The following RGL1 variants were observed in gnomAD, a reference collection of about 807,000 sequenced individuals.
The protein encoded by RGL1 is ral guanine nucleotide dissociation stimulator-like 1.
Under a neutral mutation model 95.2 loss-of-function variants are expected in RGL1, and 24 were observed. That is an observed-to-expected ratio of 0.25 (90% CI 0.18 to 0.35). RGL1 has a LOEUF of 0.35. Ranked by LOEUF, RGL1 falls within the 10% of genes least tolerant of loss-of-function variation. The probability of loss-of-function intolerance (pLI) is 1.00; values close to 1 mark genes in which losing one functional copy is unlikely to be tolerated. For missense variants in RGL1, 715 were observed against 936.3 expected (o/e 0.76, Z 3.08); for synonymous variants, 329 against 344.9 (o/e 0.95, Z 0.51).
chr1:183,836,916 T>C (rs1317507491), intron 2 of RGL1, among the ~76,000 whole-genome samples: 1 of 152,172 alleles, frequency 6.6e-6, no homozygotes, highest in Non-Finnish European at 1.5e-5. Flanking sequence ...AGGGGAGTAA[T>C]AATTTTATTG....
chr1:183,652,124 G>A (rs1650802973), intron 1 of RGL1, among the ~76,000 whole-genome samples: 1 of 152,190 alleles, frequency 6.6e-6, no homozygotes, highest in Non-Finnish European at 1.5e-5. Context: ...TATTTCTTAA[G>A]GTGATGTGTA....
chr1:183,909,399 C>A (rs1668521632), intron 14 of RGL1, among the ~76,000 whole-genome samples: 1 of 152,130 alleles, frequency 6.6e-6, no homozygotes, highest in South Asian at 2.1e-4. Context: ...CAGGACCTTA[C>A]TGAATTGTAG....
chr1:183,793,881 A>C (rs1047198931), intron 2 of RGL1, among the ~76,000 whole-genome samples: 3 of 152,200 alleles, frequency 2.0e-5, no homozygotes, highest in African/African-American at 4.8e-5. Context: ...CATGCGATCC[A>C]GCAATGTCAC....
chr1:183,854,407 G>A (rs1157856805), intron 3 of RGL1, among the ~76,000 whole-genome samples: 1 of 152,132 alleles, frequency 6.6e-6, no homozygotes, highest in Non-Finnish European at 1.5e-5. Flanking sequence ...GTACCACCGT[G>A]GGAACAGAAA....
At chr1:183,771,007 TC>T (rs1213957267) in intron 2 of RGL1, among the ~76,000 whole-genome samples, 2 of 152,184 alleles carry the variant, frequency 1.3e-5, no homozygotes, top group African/African-American at 4.8e-5. Flanking sequence ...GAGGAAGTGT[TC>T]CTGAACCCAA....
chr1:183,702,830 G>A (rs1456848803), intron 1 of RGL1, among the ~76,000 whole-genome samples: 2 of 152,200 alleles, frequency 1.3e-5, no homozygotes, highest in African/African-American at 2.4e-5. Context: ...AACACAAGGC[G>A]GTGTGGAGCA....
chr1:183,636,170 C>T (rs1649516658), exon 1 of RGL1: 1 of 399,508 alleles, frequency 2.5e-6, no homozygotes, highest in Non-Finnish European at 4.4e-6. Context: ...CCGTCAACGA[C>T]CTATCATCGG....
intron 1 of RGL1, among the ~76,000 whole-genome samples, chr1:183,675,666 C>T (rs1232342277): frequency 6.6e-6 from 1 of 152,132 alleles, no homozygotes; most frequent in South Asian, 2.1e-4. Context: ...GTATCCCTTA[C>T]AATTTTGAAC....
intron 17 of RGL1, 99 bp downstream of exon 17, chr1:183,922,435 T>C (rs1669364046): frequency 2.3e-6 from 2 of 851,956 alleles, no homozygotes; most frequent in African/African-American, 3.3e-5. Context: ...CGGATACGTA[T>C]TGTTTTATTG....
chr1:183,655,497 G>T (rs1369331550), intron 1 of RGL1, among the ~76,000 whole-genome samples: 1 of 152,212 alleles, frequency 6.6e-6, no homozygotes, highest in Non-Finnish European at 1.5e-5. Context: ...ACTGAATTTA[G>T]AAAGCAAGCT....
rs1375245630 is a variant in RGL1 at position 183,661,879 on chromosome 1, A to T, written c.-33+25378A>T. ...TATCCACCATGATCAAGTGGGCTTC[A>T]TCCCTGGGATGCAAGGCTGGTTCAA... On this transcript the variant is annotated intron_variant, in intron 1 of 18. Coordinates refer to the RGL1 transcript ENST00000304685. Among the ~76,000 whole-genome samples, 21 of 150,506 alleles carry T rather than the reference A, an allele frequency of 1.4e-4. 1 individual carries two copies. The highest frequency in any genetic ancestry group is 9.9e-4 in the Admixed American group (15 of 15,198).
intron 3 of RGL1, among the ~76,000 whole-genome samples, chr1:183,859,338 T>A (rs1665363850): frequency 6.6e-6 from 1 of 152,248 alleles, no homozygotes; most frequent in African/African-American, 2.4e-5. Flanking sequence ...TAATTTTAAA[T>A]CTGCGTGAGA....
intron 9 of RGL1, among the ~76,000 whole-genome samples, chr1:183,894,237 T>G (rs754632205): frequency 2.0e-5 from 3 of 152,218 alleles, no homozygotes; most frequent in Non-Finnish European, 2.9e-5. Flanking sequence ...GTAGATAAAT[T>G]GAATACTGTG....
Position 183,916,449 on chromosome 1 carries a change from C to T in RGL1, c.1752C>T (p.Leu584=), listed in dbSNP as rs1668975418. The T allele has an allele frequency of 6.2e-7, 1 of 1,613,882 alleles. No homozygotes were observed. Among genetic ancestry groups the T allele is most frequent in the South Asian group, 1.1e-5 (1 of 91,078 alleles). ...CTGGGGTGTGTTTACTCTTCCAGCT[C>T]TCTGAGTCCTCCTCATCCTGTTCTT... ...MDTPDEPQKK[L]SESSSSCSSI... is the part of the protein sequence containing the mutation. The change falls in exon 16 of 18, where the codon CTC becomes CTT. Residue 584 remains leucine, a splice_region_variant and synonymous_variant. Coordinates refer to ENST00000360851, the MANE Select transcript of RGL1 (RefSeq NM_001297671.3).
At chr1:183,905,458 T>C (rs914289312) in intron 13 of RGL1, among the ~76,000 whole-genome samples, 1 of 152,056 alleles carries the variant, frequency 6.6e-6, no homozygotes, top group African/African-American at 2.4e-5. Flanking sequence ...TGGGAAGAAT[T>C]GGGGAAAATA....
intron 9 of RGL1, among the ~76,000 whole-genome samples, chr1:183,893,212 T>G (rs1342316273): frequency 6.6e-6 from 1 of 152,152 alleles, no homozygotes; most frequent in Non-Finnish European, 1.5e-5. Flanking sequence ...TACAGTCTCA[T>G]GTGGGAGGTA....
intron 3 of RGL1, among the ~76,000 whole-genome samples, chr1:183,848,516 T>G (rs1006155899): frequency 3.9e-5 from 6 of 152,240 alleles, no homozygotes; most frequent in Non-Finnish European, 7.3e-5. Flanking sequence ...TGGGGTTTCC[T>G]GCATAAGGAA....
chr1:183,817,266 G>C (rs1402314935), intron 2 of RGL1, among the ~76,000 whole-genome samples: 1 of 152,172 alleles, frequency 6.6e-6, no homozygotes, highest in Non-Finnish European at 1.5e-5. Context: ...ATACTCCTTT[G>C]AGTAGTCCTG....
At chr1:183,756,764 A>T (rs866596975) in intron 2 of RGL1, among the ~76,000 whole-genome samples, 32 of 152,108 alleles carry the variant, frequency 2.1e-4, no homozygotes, top group Non-Finnish European at 3.7e-4. Context: ...TCTTCTTTTT[A>T]AAAAATTTAT....
Sources: allele counts gnomAD v4.1 joint callset (sites outside exome capture counted in the v4.1 genomes callset), GRCh38; gene constraint gnomAD v4.1.1; transcripts MANE v1.5; gene names NCBI Gene and HGNC (gene_info 2026-07-23, HGNC 2026-07-21).